Variants in MLPH observed in about 807,000 individuals in gnomAD.
The protein encoded by MLPH is exophilin-3.
MLPH carries 51 observed loss-of-function variants against 72.1 expected under a neutral mutation model. That is an observed-to-expected ratio of 0.71 (90% CI 0.56 to 0.89). The LOEUF (loss-of-function observed/expected upper bound fraction) is 0.89, where lower values mean the gene tolerates loss of function less well. Ranked by LOEUF, MLPH falls within the 40% of genes least tolerant of loss-of-function variation. MLPH has a pLI of 0.00. For missense variants in MLPH, 743 were observed against 759.9 expected, an observed-to-expected ratio of 0.98 and a Z score of 0.26; for synonymous variants, 301 against 310.1, an observed-to-expected ratio of 0.97 and a Z score of 0.31.
rs762576813 is a variant in MLPH, at chr2:237,552,440, A to G, written c.1776+3A>G. ...GAATGGCCAGCCACACCTTCGCGGT[A>G]AAGTTTTCTCTCATTCTCTGAGGAG... On this transcript the variant is annotated splice_donor_region_variant and intron_variant, in intron 15 of 15. Transcript: ENST00000264605. 5.6e-6 allele frequency: 9 copies of G among 1,613,336 alleles called. No individual in the cohort carries two copies. The highest frequency in any genetic ancestry group is 6.8e-6 in the Non-Finnish European group (8 of 1,179,370).
chr2:237,520,536 T>C (rs1244727184), intron 6 of MLPH, among the ~76,000 whole-genome samples: 1 of 152,208 alleles, frequency 6.6e-6, no homozygotes, highest in Non-Finnish European at 1.5e-5. Flanking sequence ...GCCATCCAGG[T>C]GAACAGGACA....
intron 15 of MLPH, among the ~76,000 whole-genome samples, chr2:237,552,918 A>T (rs1338744416): frequency 6.6e-6 from 1 of 152,216 alleles, no homozygotes; most frequent in East Asian, 1.9e-4. Context: ...ATGTACCTGC[A>T]TACACACCCA....
At chr2:237,495,614 G>A (rs1291905674) in intron 2 of MLPH, among the ~76,000 whole-genome samples, 2 of 152,196 alleles carry the variant, frequency 1.3e-5, no homozygotes, top group Admixed American at 6.5e-5. Context: ...CATGGAGCAG[G>A]AGGCGCTCGT....
At chr2:237,503,671 C>G (rs928751931) in intron 2 of MLPH, among the ~76,000 whole-genome samples, 1 of 152,166 alleles carries the variant, frequency 6.6e-6, no homozygotes, top group African/African-American at 2.4e-5. Context: ...TTCTCCATTA[C>G]CTGGGGTCTG....
At chr2:237,507,932 A>G (rs2079811156) in intron 2 of MLPH, among the ~76,000 whole-genome samples, 1 of 152,118 alleles carries the variant, frequency 6.6e-6, no homozygotes, top group African/African-American at 2.4e-5. Context: ...ACAATTGCCC[A>G]ATCCTTTTAA....
chr2:237,532,461 C>T (rs978519216), intron 8 of MLPH, among the ~76,000 whole-genome samples: 1 of 152,208 alleles, frequency 6.6e-6, no homozygotes, highest in Non-Finnish European at 1.5e-5. Context: ...TGGCACGCAC[C>T]CTCCGCCCCC....
chr2:237,527,151 C>T (rs1317871527), intron 7 of MLPH, among the ~76,000 whole-genome samples: 1 of 152,164 alleles, frequency 6.6e-6, no homozygotes, highest in African/African-American at 2.4e-5. Flanking sequence ...CCACTCATAA[C>T]CCCCACCCAC....
At chr2:237,524,663 C>T (rs1286911606) in intron 6 of MLPH, among the ~76,000 whole-genome samples, 1 of 152,200 alleles carries the variant, frequency 6.6e-6, no homozygotes, top group Non-Finnish European at 1.5e-5. Flanking sequence ...TTGCATCCCT[C>T]GATCCAATCA....
At position 237,541,810 on chromosome 2, in the gene MLPH, A is replaced by G. The variant is rs1198777891; in HGVS notation, c.1447-757A>G. Among the ~76,000 whole-genome samples the G allele has an allele frequency of 6.6e-6, 1 of 152,234 alleles. No individual in the cohort carries two copies. The highest frequency in any genetic ancestry group is 6.5e-5 in the Admixed American group (1 of 15,282). ...ACAAACAAGATCATTTGGGTTCATG[A>G]AAAGTGTGATTAAGACAATCAGTGA... On this transcript the variant is annotated intron_variant, in intron 11 of 15. Transcript: ENST00000264605. The surrounding 1 kb of genome is among the most constrained non-coding windows in gnomAD (Gnocchi z 5.1).
chr2:237,523,284 G>A (rs13399198), intron 6 of MLPH, among the ~76,000 whole-genome samples: 25,446 of 152,124 alleles, frequency 0.17, 2,367 homozygotes, highest in African/African-American at 0.23. Flanking sequence ...TGTAATTTGG[G>A]TATGAACCTT....
chr2:237,510,900 CGTG>C lies in MLPH; in HGVS notation c.333-88_333-86del, dbSNP rs2079879567. 1.5e-6 allele frequency: 2 copies of C among 1,319,166 alleles called. No individual in the cohort carries two copies. The highest frequency in any genetic ancestry group is 1.5e-5 in the African/African-American group (1 of 66,494). 81.7% of individuals were successfully genotyped at this position (1,319,166 alleles called of 1,614,324 possible). ...GGGTGGACGCACACATGCACACACTCGTGTGTGTGTGTGTGTGTGTGTGTGAGA... is the reference window on the plus strand; with the variant it reads ...GGGTGGACGCACACATGCACACACTCTGTGTGTGTGTGTGTGTGTGTGAGA... On this transcript the variant is annotated intron_variant, in intron 3 of 15. Coordinates refer to ENST00000264605, the MANE Select transcript of MLPH (RefSeq NM_024101.7). This position sits in a 1 kb window ranked among gnomAD's most constrained non-coding sequence, Gnocchi z 4.4.
At chr2:237,499,786 C>A (rs1266802135) in intron 2 of MLPH, among the ~76,000 whole-genome samples, 1 of 151,938 alleles carries the variant, frequency 6.6e-6, no homozygotes, top group East Asian at 1.9e-4. Flanking sequence ...GCTCTGTTAC[C>A]CAGGCTGGAG....
intron 2 of MLPH, among the ~76,000 whole-genome samples, chr2:237,509,241 T>C (rs749981493): frequency 8.5e-5 from 13 of 152,232 alleles, no homozygotes; most frequent in Non-Finnish European, 1.8e-4. Flanking sequence ...CTCTGAAATA[T>C]ATCAGCCTCC....
chr2:237,504,933 C>G (rs12468452), intron 2 of MLPH, among the ~76,000 whole-genome samples: 1 of 152,052 alleles, frequency 6.6e-6, no homozygotes, highest in East Asian at 1.9e-4. Flanking sequence ...CTCGTGAGAC[C>G]CCACCCCTTG....
At chr2:237,496,687 G>A (rs555082022) in intron 2 of MLPH, among the ~76,000 whole-genome samples, 162 of 152,124 alleles carry the variant, frequency 1.1e-3, no homozygotes, top group Middle Eastern at 3.4e-3. Context: ...TGGCTGGGGC[G>A]TTAATTGGCC....
Position 237,510,962 on chromosome 2 carries a change from G to A in MLPH, c.333-27G>A. 2 of 1,597,920 alleles carry A rather than the reference G, an allele frequency of 1.3e-6. No individual in the cohort carries two copies. The highest frequency in any genetic ancestry group is 1.7e-6 in the Non-Finnish European group (2 of 1,165,630). On this transcript the variant is annotated intron_variant, in intron 3 of 15. Coordinates refer to ENST00000264605, the MANE Select transcript of MLPH (RefSeq NM_024101.7). This position sits in a 1 kb window ranked among gnomAD's most constrained non-coding sequence, Gnocchi z 4.4. ...GGCCTGTGTACAGCACTCAGGCAGTGCCATGAGCCTGTGCTTGTCCCTGCA... is the reference window on the plus strand; with the variant it reads ...GGCCTGTGTACAGCACTCAGGCAGTACCATGAGCCTGTGCTTGTCCCTGCA...
chr2:237,545,246 G>A (rs1261352074), intron 12 of MLPH, among the ~76,000 whole-genome samples: 1 of 150,884 alleles, frequency 6.6e-6, no homozygotes, highest in Non-Finnish European at 1.5e-5. Context: ...GCACAGTGGT[G>A]AGTGAGGGGA....
rs1311053444 is a variant in MLPH at position 237,549,196 on chromosome 2, C to G, written c.1618-25C>G. The G allele has an allele frequency of 4.3e-6, 7 of 1,610,624 alleles. 1 individual carries two copies. The highest frequency in any genetic ancestry group is 2.7e-5 in the African/African-American group (2 of 74,856). The stretch of plus-strand genomic sequence containing the variant: ...TCCTAAACGTCACAACTTGATGAAG[C>G]CTGGAGACACTCTGTTTCTTCTAGG... On this transcript the variant is annotated intron_variant, in intron 13 of 15. Transcript: ENST00000264605.
At chr2:237,534,233 G>A (rs73100950) in intron 8 of MLPH, among the ~76,000 whole-genome samples, 3,798 of 152,218 alleles carry the variant, frequency 0.025, 159 homozygotes, top group African/African-American at 0.086. Context: ...GCTCGGTACC[G>A]GCAGTGACAG....
Sources: allele counts gnomAD v4.1 joint callset (sites outside exome capture counted in the v4.1 genomes callset), GRCh38; gene constraint gnomAD v4.1.1; non-coding constraint Gnocchi (gnomAD v3.1); transcripts MANE v1.5; gene names NCBI Gene and HGNC (gene_info 2026-07-23, HGNC 2026-07-21).